Variants in MMD2 observed in about 807,000 individuals in gnomAD.
MMD2 encodes monocyte to macrophage differentiation associated 2.
A neutral mutation model predicts 33.5 loss-of-function variants in MMD2; 30 were observed. The observed-to-expected ratio is 0.90, with a 90% CI of 0.67 to 1.22. MMD2 has a LOEUF of 1.22. Among genes scored for constraint, MMD2 ranks in the 50% most tolerant of loss-of-function variants. MMD2 has a pLI of 0.00. For synonymous variants in MMD2, 129 were observed against 123.0 expected (o/e 1.05, Z -0.32); for missense variants, 364 against 325.4 (o/e 1.12, Z -0.91).
downstream of MMD2, among the ~76,000 whole-genome samples, chr7:4,901,953 C>G (rs376448210): frequency 5.2e-4 from 79 of 152,202 alleles, 1 homozygote; most frequent in South Asian, 0.016. Context: ...AACAATTATT[C>G]TCTTTTTTCT....
At chr7:4,934,644 G>A (rs1785688397) in intron 1 of MMD2, among the ~76,000 whole-genome samples, 1 of 152,180 alleles carries the variant, frequency 6.6e-6, no homozygotes, top group East Asian at 1.9e-4. Context: ...GCCATGGCTT[G>A]GTGGAGGACT....
chr7:4,951,897 G>C (rs1393451879), intron 1 of MMD2, among the ~76,000 whole-genome samples: 1 of 152,106 alleles, frequency 6.6e-6, no homozygotes, highest in South Asian at 2.1e-4. Context: ...ACCATGCCCA[G>C]CTAATTTTTT....
intron 1 of MMD2, among the ~76,000 whole-genome samples, chr7:4,927,590 G>A (rs1785466680): frequency 6.6e-6 from 1 of 151,676 alleles, no homozygotes; most frequent in Non-Finnish European, 1.5e-5. Context: ...GCCTGTAATC[G>A]CAGCTACTTG....
At chr7:4,911,281 G>A in intron 4 of MMD2, 35 bp from the exon 5 acceptor site, 1 of 1,531,120 alleles carries the variant, frequency 6.5e-7, no homozygotes, top group Non-Finnish European at 8.9e-7. Flanking sequence ...TGGCCCTGAG[G>A]GGGGCCCACC....
At chr7:4,921,112 T>G (rs1413035329) in intron 2 of MMD2, among the ~76,000 whole-genome samples, 1 of 152,166 alleles carries the variant, frequency 6.6e-6, no homozygotes, top group African/African-American at 2.4e-5. Flanking sequence ...GGGGTCCATG[T>G]ATGAAATGGT....
chr7:4,951,849 C>T (rs771267889), intron 1 of MMD2, among the ~76,000 whole-genome samples: 2 of 152,174 alleles, frequency 1.3e-5, no homozygotes, highest in Non-Finnish European at 2.9e-5. Context: ...ATCCTCCCGC[C>T]ACAGCCTTCC....
intron 2 of MMD2, among the ~76,000 whole-genome samples, chr7:4,922,960 T>C (rs1217478240): frequency 1.3e-5 from 2 of 152,200 alleles, no homozygotes; most frequent in Admixed American, 1.3e-4. Flanking sequence ...TACCTGTGAC[T>C]CAGTCACCCA....
Position 4,933,190 on chromosome 7 carries a change from G to A in MMD2, c.48-7658C>T, listed in dbSNP as rs567236532. On this transcript the variant is annotated intron_variant, in intron 1 of 6. Transcript: ENST00000401401. ...CAGCTTTGGCAACATAGCAAGACCC[G>A]GTCTCTACAAAATATTAAAAAATTA... 2.3e-3 allele frequency among the ~76,000 whole-genome samples: 345 copies of A among 151,208 alleles called. 10 individuals are homozygous for A. The highest frequency in any genetic ancestry group is 8.2e-3 in the African/African-American group (337 of 41,180).
chr7:4,915,988 G>A lies in MMD2; in HGVS notation c.365+17C>T, dbSNP rs776122866. 6.8e-6 allele frequency: 11 copies of A among 1,612,612 alleles called. No individual in the cohort carries two copies. Among genetic ancestry groups the A allele is most frequent in the South Asian group, 3.3e-5 (3 of 91,032 alleles). ...AAAGGCCGCCAAGGGTTTGCTGGGC[G>A]GCGGGACGGTACTCACCAGGGTGCG... On this transcript the variant is annotated intron_variant, in intron 4 of 6. Coordinates refer to ENST00000401401, the MANE Select transcript of MMD2 (RefSeq NM_198403.4).
chr7:4,894,304 TCA>T, the MMD2 span, among the ~76,000 whole-genome samples: 5 of 152,178 alleles, frequency 3.3e-5, no homozygotes, highest in African/African-American at 1.2e-4. The surrounding 1 kb of genome is among the most constrained non-coding windows in gnomAD (Gnocchi z 4.3). Flanking sequence ...CACGCAGAAG[TCA>T]CATGTGAATG....
At position 4,945,917 on chromosome 7, in the gene MMD2, A is replaced by C. The variant is rs562983293; in HGVS notation, c.47+13054T>G. ...CAGGACAGAGGAGTGAAAATTCCAAAGCAGAGAGCTCTGAAATTGGTACAA... is the reference window on the plus strand; with the variant it reads ...CAGGACAGAGGAGTGAAAATTCCAACGCAGAGAGCTCTGAAATTGGTACAA... On this transcript the variant is annotated intron_variant, in intron 1 of 6. Coordinates refer to ENST00000401401, the MANE Select transcript of MMD2 (RefSeq NM_198403.4). Among the ~76,000 whole-genome samples, 35 of 152,304 alleles carry C rather than the reference A, an allele frequency of 2.3e-4. 1 individual carries two copies. Among genetic ancestry groups the C allele is most frequent in the African/African-American group, 5.5e-4 (23 of 41,588 alleles).
At chr7:4,950,082 T>C (rs1218582082) in intron 1 of MMD2, among the ~76,000 whole-genome samples, 4 of 3,788 alleles carry the variant, frequency 1.1e-3, no homozygotes, top group Non-Finnish European at 1.8e-3. Context: ...CCTTCTTTTG[T>C]GTGTGTGTGT....
At chr7:4,924,300 G>C (rs925347536) in intron 2 of MMD2, among the ~76,000 whole-genome samples, 2 of 152,248 alleles carry the variant, frequency 1.3e-5, no homozygotes, top group East Asian at 1.9e-4. Context: ...CTATGACACC[G>C]GTGGCCCATT....
intron 1 of MMD2, among the ~76,000 whole-genome samples, chr7:4,937,953 G>A (rs1243509572): frequency 2.2e-5 from 3 of 138,950 alleles, no homozygotes; most frequent in Admixed American, 7.3e-5. Context: ...CTGGTCCTAA[G>A]AAAACAATTT....
intron 1 of MMD2, among the ~76,000 whole-genome samples, chr7:4,932,883 C>G (rs545561114): frequency 5.4e-4 from 82 of 152,044 alleles, no homozygotes; most frequent in South Asian, 2.1e-3. Flanking sequence ...CCTTGGCCTC[C>G]CAAAGCACTG....
At chr7:4,951,613 C>T (rs1160294495) in intron 1 of MMD2, among the ~76,000 whole-genome samples, 1 of 152,082 alleles carries the variant, frequency 6.6e-6, no homozygotes, top group Non-Finnish European at 1.5e-5. Context: ...CCCACCCCAC[C>T]TCCTGAGACA....
rs372446912 is a variant in MMD2 at position 4,924,404 on chromosome 7, G to A, written c.129+1047C>T. On this transcript the variant is annotated intron_variant, in intron 2 of 6. Transcript: ENST00000401401. ...TGAGAATTAATTCACCTCCACACAC[G>A]CTATCTGGGCACTTCCCTGTGCCAG... 3.4e-4 allele frequency among the ~76,000 whole-genome samples: 51 copies of A among 152,218 alleles called. 2 individuals carry two copies. The highest frequency in any genetic ancestry group is 3.3e-3 in the Admixed American group (50 of 15,280).
intron 4 of MMD2, 129 bp from the exon 5 acceptor site, chr7:4,911,375 A>T: frequency 1.5e-6 from 1 of 656,568 alleles, no homozygotes; most frequent in East Asian, 2.8e-5. Context: ...CGGCTGGGAC[A>T]TGGGCGCTCA....
In MMD2 at chr7:4,934,404, G is replaced by T. The variant is rs528244154; in HGVS notation, c.48-8872C>A. 1.6e-4 allele frequency among the ~76,000 whole-genome samples: 25 copies of T among 152,308 alleles called. No homozygotes were observed. The South Asian group carries it at 3.9e-3, about 24-fold the overall frequency. On this transcript the variant is annotated intron_variant, in intron 1 of 6. Transcript: ENST00000401401. ...AGGTGTGAGCCACTGGGCCTGGCAG[G>T]GATGCATGTTTAACAAGTGAAATGC...
Sources: gnomAD v4.1 joint callset for allele counts (sites outside exome capture counted in the v4.1 genomes callset) on GRCh38, gnomAD v4.1.1 for gene constraint, Gnocchi (gnomAD v3.1) non-coding constraint, MANE v1.5 for transcripts, NCBI Gene and HGNC (gene_info 2026-07-23, HGNC 2026-07-21) for gene names.